RFT1: variants seen among roughly 807,000 people sequenced by gnomAD.
RFT1 encodes man(5)GlcNAc(2)-PP-dolichol translocation protein RFT1.
In RFT1, 43 loss-of-function variants were observed where a neutral mutation model predicts 62.2. The ratio of observed to expected loss-of-function variants is 0.69; its 90% CI spans 0.54 to 0.89. The LOEUF is 0.89. Among genes scored for constraint, RFT1 ranks in the 40% least tolerant of loss-of-function variants. The pLI, the probability that RFT1 is intolerant of heterozygous loss-of-function variation, is 0.00. For missense variants in RFT1, 605 were observed against 649.9 expected (o/e 0.93, Z 0.75); for synonymous variants, 262 against 264.6 (o/e 0.99, Z 0.10).
the RFT1 span, among the ~76,000 whole-genome samples, chr3:53,068,806 C>A: frequency 6.6e-6 from 1 of 152,204 alleles, no homozygotes; most frequent in Non-Finnish European, 1.5e-5. Context: ...AAAAGTCATA[C>A]ACATTTAGTA....
chr3:53,122,687 C>CGTTA, intron 3 of RFT1, 124 bp from the exon 4 acceptor site: 1 of 506,428 alleles, frequency 2.0e-6, no homozygotes, highest in Non-Finnish European at 3.1e-6. Context: ...TTATAAGATA[C>CGTTA]TAACTACATG....
At position 53,111,009 on chromosome 3, in the gene RFT1, C is replaced by G. The variant is rs908732016; in HGVS notation, c.775+821G>C. ...CTGAAAGGACCAAAGTCTGACCAAA[C>G]TCTCATACAAGTGCATTTTGTTGTT... On this transcript the variant is annotated intron_variant, in intron 7 of 12. Transcript: ENST00000296292. Among the ~76,000 whole-genome samples the G allele has an allele frequency of 5.3e-5, 8 of 152,228 alleles. No homozygotes were observed. The South Asian group carries it at 1.7e-3, about 32-fold the overall frequency.
rs1427949628 is a variant in RFT1 at position 53,130,167 on chromosome 3, A to G, written c.63+171T>C. On this transcript the variant is annotated intron_variant, in intron 1 of 12. Transcript: ENST00000296292. ...AAAGGCAGGCTCCTATCTCCGGGCCAGGGTCCCCCCTCATCAATGCCACCG... is the reference window on the plus strand; with the variant it reads ...AAAGGCAGGCTCCTATCTCCGGGCCGGGGTCCCCCCTCATCAATGCCACCG... 2.0e-5 allele frequency among the ~76,000 whole-genome samples: 3 copies of G among 152,298 alleles called. No individual in the cohort carries two copies. In the East Asian group the frequency reaches 5.8e-4, roughly 29 times the overall value.
chr3:53,099,402 A>G lies in RFT1; in HGVS notation c.1187T>C (p.Met396Thr), dbSNP rs759448727. 42 of 1,613,918 alleles carry G rather than the reference A, an allele frequency of 2.6e-5. No individual in the cohort carries two copies. In the South Asian group the frequency reaches 3.7e-4, roughly 14 times the overall value. ...GVTECFTFAA[M>T]SKEEVDRYNF... Reference sequence around the variant, plus strand: ...CCACCTGTCGACCTCCTCTTTGCTCATGGCAGCAAATGTGAAACACTCTGT... The same window carrying G: ...CCACCTGTCGACCTCCTCTTTGCTCGTGGCAGCAAATGTGAAACACTCTGT... The change falls in exon 11 of 13, where the codon ATG (methionine) becomes ACG (threonine). Residue 396 changes from methionine to threonine, a missense_variant. Transcript: ENST00000296292.
chr3:53,103,860 A>G (rs1018041487), intron 10 of RFT1, 93 bp downstream of exon 10: 8 of 1,479,250 alleles, frequency 5.4e-6, no homozygotes, highest in Admixed American at 3.4e-5. Context: ...ACTGACACAG[A>G]TAACAACTGT....
In RFT1 at chr3:53,130,416, C is replaced by T. The variant is rs766018631; in HGVS notation, c.-16G>A. On this transcript the variant is annotated 5_prime_UTR_variant, in exon 1 of 13. Transcript: ENST00000296292. ...GGCTGCCCATAGCCTCCGCGCCAGG[C>T]TCAGACACCAGGAAATGCCGCCGCC... The T allele has an allele frequency of 1.9e-5, 29 of 1,551,098 alleles. No homozygotes were observed. The highest frequency in any genetic ancestry group is 1.1e-4 in the South Asian group (9 of 84,128).
intron 10 of RFT1, among the ~76,000 whole-genome samples, chr3:53,102,434 AAG>A (rs1701343441): frequency 6.6e-6 from 1 of 152,376 alleles, no homozygotes; most frequent in South Asian, 2.1e-4. Context: ...AGAAGCACCT[AAG>A]AGAGAAATGT....
chr3:53,122,193 G>A (rs938669981), intron 4 of RFT1, among the ~76,000 whole-genome samples, 181 bp downstream of exon 4: 7 of 152,092 alleles, frequency 4.6e-5, no homozygotes, highest in African/African-American at 1.7e-4. Context: ...GTGAACTTTA[G>A]CCTAGCCCAT....
chr3:53,069,520 A>G, the RFT1 span, among the ~76,000 whole-genome samples: 3 of 152,214 alleles, frequency 2.0e-5, no homozygotes, highest in Non-Finnish European at 2.9e-5. Context: ...GGAAATAAAT[A>G]AAATTCAGAG....
the RFT1 span, among the ~76,000 whole-genome samples, chr3:53,072,199 G>A: frequency 3.3e-5 from 5 of 152,260 alleles, no homozygotes; most frequent in African/African-American, 4.8e-5. Context: ...TCATGTCAGC[G>A]AGGTCACAGG....
At chr3:53,085,437 C>T (rs952615650), downstream of RFT1, among the ~76,000 whole-genome samples, 1 of 152,242 alleles carries the variant, frequency 6.6e-6, no homozygotes, top group Non-Finnish European at 1.5e-5. Flanking sequence ...ACTCTTCAGG[C>T]CCCTCAGAAA....
In RFT1 at chr3:53,117,703, G is replaced by A. The variant is rs76052123; in HGVS notation, c.696+2181C>T. On this transcript the variant is annotated intron_variant, in intron 6 of 12. Coordinates refer to ENST00000296292, the MANE Select transcript of RFT1 (RefSeq NM_052859.4). ...GTAGAGCCAGCTCTGCTCTCAGGGT[G>A]TCAGTGTGACGGTGGTGATATCGGT... Among the ~76,000 whole-genome samples, 724 of 152,310 alleles carry A rather than the reference G, an allele frequency of 4.8e-3. 8 individuals carry two copies. Among genetic ancestry groups the A allele is most frequent in the African/African-American group, 0.017 (694 of 41,556 alleles).
chr3:53,096,959 G>A (rs796424734), intron 11 of RFT1, among the ~76,000 whole-genome samples: 8 of 152,156 alleles, frequency 5.3e-5, no homozygotes, highest in African/African-American at 1.9e-4. Flanking sequence ...TGGCCAGGCT[G>A]GTCTCGAACT....
the RFT1 span, among the ~76,000 whole-genome samples, chr3:53,079,578 A>G: frequency 1.3e-5 from 2 of 152,184 alleles, no homozygotes; most frequent in Non-Finnish European, 2.9e-5. Flanking sequence ...TAGTAAAAAT[A>G]GAAAAATTAG....
At chr3:53,083,838 G>A (rs1485876441), downstream of RFT1, among the ~76,000 whole-genome samples, 2 of 152,236 alleles carry the variant, frequency 1.3e-5, no homozygotes, top group East Asian at 1.9e-4. Context: ...ACATTCTCTC[G>A]TCATTAGAGA....
downstream of RFT1, among the ~76,000 whole-genome samples, chr3:53,086,595 C>T (rs1399039237): frequency 6.6e-6 from 1 of 152,136 alleles, no homozygotes; most frequent in Non-Finnish European, 1.5e-5. Context: ...GGATTACAGG[C>T]GGGAGCCACC....
rs1700990672 is a variant in RFT1, at chr3:53,091,677, T to C, written c.*226A>G. On this transcript the variant is annotated 3_prime_UTR_variant, in exon 13 of 13. Coordinates refer to ENST00000296292, the MANE Select transcript of RFT1 (RefSeq NM_052859.4). ...TATAAAATGATAAAAAACTATTATT[T>C]TTAAAGGGCTTTTGGTCTTCACTTA... is the stretch of plus-strand genomic sequence containing the variant. 3 of 578,784 alleles carry C rather than the reference T, an allele frequency of 5.2e-6. No homozygotes were observed. The highest frequency in any genetic ancestry group is 3.7e-5 in the African/African-American group (2 of 53,484). The allele number at this position is 578,784 out of a possible 1,614,324, so 35.9% of individuals were successfully genotyped here. A position where few individuals can be genotyped will look rare whatever the true frequency, so the allele number is the denominator to read the frequency against.
At chr3:53,103,900 C>T in intron 10 of RFT1, 53 bp downstream of exon 10, 2 of 1,608,358 alleles carry the variant, frequency 1.2e-6, no homozygotes, top group Non-Finnish European at 1.7e-6. Flanking sequence ...TTTCGTGACT[C>T]TTCTATTTAT....
At chr3:53,127,712 G>A (rs983563626) in intron 1 of RFT1, among the ~76,000 whole-genome samples, 9 of 151,682 alleles carry the variant, frequency 5.9e-5, no homozygotes, top group African/African-American at 2.2e-4. Context: ...AAGGTAGGAG[G>A]ATCACTTGAA....
Sources: allele counts gnomAD v4.1 joint callset (sites outside exome capture counted in the v4.1 genomes callset), GRCh38; gene constraint gnomAD v4.1.1; transcripts MANE v1.5; gene names NCBI Gene and HGNC (gene_info 2026-07-23, HGNC 2026-07-21).